The following CACNG5 variants were observed in gnomAD, a reference collection of about 807,000 sequenced individuals.
The protein encoded by CACNG5 is calcium voltage-gated channel auxiliary subunit gamma 5.
CACNG5 carries 18 observed loss-of-function variants against 24.8 expected under a neutral mutation model. The ratio of observed to expected loss-of-function variants is 0.73; its 90% CI spans 0.50 to 1.08. CACNG5 has a LOEUF of 1.08. Ranked by LOEUF, CACNG5 falls within the 50% of genes least tolerant of loss-of-function variation. The probability of loss-of-function intolerance (pLI) is 0.00; values close to 1 mark genes in which losing one functional copy is unlikely to be tolerated. For missense variants in CACNG5, 349 were observed against 367.9 expected, an observed-to-expected ratio of 0.95 and a Z score of 0.42; for synonymous variants, 157 against 149.1, an observed-to-expected ratio of 1.05 and a Z score of -0.39.
At chr17:66,873,117 G>T (rs1054372624) in intron 1 of CACNG5, among the ~76,000 whole-genome samples, 2 of 152,110 alleles carry the variant, frequency 1.3e-5, no homozygotes, top group Admixed American at 6.5e-5. Context: ...ACAAAGTGGG[G>T]CTGATCCCAC....
chr17:66,866,268 G>A (rs1209078794), intron 1 of CACNG5, among the ~76,000 whole-genome samples: 1 of 152,166 alleles, frequency 6.6e-6, no homozygotes, highest in East Asian at 1.9e-4. Flanking sequence ...GGTATGTGCA[G>A]TATGGTCCCT....
chr17:66,847,777 G>A (rs1041996548), intron 1 of CACNG5, among the ~76,000 whole-genome samples: 1 of 152,152 alleles, frequency 6.6e-6, no homozygotes, highest in Admixed American at 6.5e-5. Flanking sequence ...CTCTTCCCAG[G>A]TGGGTGGCCC....
intron 1 of CACNG5, among the ~76,000 whole-genome samples, chr17:66,842,473 A>G (rs185938258): frequency 6.6e-6 from 1 of 152,292 alleles, no homozygotes; most frequent in East Asian, 1.9e-4. Flanking sequence ...CAGTGCTGAG[A>G]TTTGAACCCA....
chr17:66,846,611 C>T (rs1976641281), intron 1 of CACNG5, among the ~76,000 whole-genome samples: 1 of 152,100 alleles, frequency 6.6e-6, no homozygotes, highest in South Asian at 2.1e-4. Flanking sequence ...GTGGATGTAC[C>T]ACAGTGTGTC....
intron 1 of CACNG5, among the ~76,000 whole-genome samples, chr17:66,876,428 C>T (rs1392238648): frequency 6.6e-6 from 1 of 152,236 alleles, no homozygotes; most frequent in Non-Finnish European, 1.5e-5. Context: ...GCTCCAAGTC[C>T]AGTGCCTGAC....
intron 1 of CACNG5, among the ~76,000 whole-genome samples, chr17:66,838,317 G>C (rs907011592): frequency 6.6e-6 from 1 of 151,752 alleles, no homozygotes. Flanking sequence ...GGGGGGAGCA[G>C]AGTTCGGCTG....
In CACNG5 at chr17:66,835,495, C is replaced by T. The variant is rs142995430; in HGVS notation, c.-104+245C>T. On this transcript the variant is annotated intron_variant, in intron 1 of 5. Transcript: ENST00000533854. The stretch of plus-strand genomic sequence containing the variant: ...CCATCTGTCTGTCCCAAGGATGTAT[C>T]GGGGGAGATGATGACGCCCCCTCTT... Among the ~76,000 whole-genome samples the T allele has an allele frequency of 1.2e-3, 179 of 152,286 alleles. 1 individual carries two copies. Among genetic ancestry groups the T allele is most frequent in the East Asian group, 0.011 (59 of 5,170 alleles).
chr17:66,868,203 A>G (rs1472255497), intron 1 of CACNG5, among the ~76,000 whole-genome samples: 1 of 152,142 alleles, frequency 6.6e-6, no homozygotes, highest in Non-Finnish European at 1.5e-5. Flanking sequence ...CTTGGTCCCT[A>G]CGGAAAATGG....
chr17:66,893,659 T>A lies in CACNG5; in HGVS notation c.*8419T>A, dbSNP rs1162646109. Among the ~76,000 whole-genome samples the A allele has an allele frequency of 6.6e-6, 1 of 152,190 alleles. No homozygotes were observed. The highest frequency in any genetic ancestry group is 1.5e-5 in the Non-Finnish European group (1 of 68,032). ...AGACTCTGGCCTCCAGATTCCATTTTCCTGGCTGACTCCCAGGGCACCATG... is the reference window on the plus strand; with the variant it reads ...AGACTCTGGCCTCCAGATTCCATTTACCTGGCTGACTCCCAGGGCACCATG... On this transcript the variant is annotated 3_prime_UTR_variant, in exon 6 of 6. Transcript: ENST00000533854.
intron 1 of CACNG5, among the ~76,000 whole-genome samples, chr17:66,868,286 T>A (rs888615716): frequency 5.3e-5 from 8 of 152,170 alleles, no homozygotes; most frequent in African/African-American, 1.7e-4. Context: ...CCAGGAAGTT[T>A]TGGAATGCAG....
At chr17:66,840,449 A>G (rs1976550528) in intron 1 of CACNG5, among the ~76,000 whole-genome samples, 1 of 152,102 alleles carries the variant, frequency 6.6e-6, no homozygotes, top group Non-Finnish European at 1.5e-5. Context: ...CCAGGAAGCT[A>G]AGCCTGAACC....
chr17:66,858,314 G>T (rs1239736216), intron 1 of CACNG5, among the ~76,000 whole-genome samples: 4 of 152,124 alleles, frequency 2.6e-5, no homozygotes, highest in Non-Finnish European at 5.9e-5. Context: ...TTCTGGACCC[G>T]GGAGTGAAGA....
Position 66,879,012 on chromosome 17 carries a change from G to T in CACNG5, c.237G>T (p.Met79Ile). Reference sequence around the variant, plus strand: ...GTTGCTTCACCATAGAATATGTGATGCCCATGAACACCCAGCTGACATCCG... The same window carrying T: ...GTTGCTTCACCATAGAATATGTGATTCCCATGAACACCCAGCTGACATCCG... ...RGRCFTIEYV[M>I]PMNTQLTSES... Residue 79 changes from methionine (M) to isoleucine (I), a missense_variant, in exon 3 of 6, where the codon ATG becomes ATT. Met to Ile is a conservative substitution (Grantham distance 10). Transcript: ENST00000533854. The T allele has an allele frequency of 6.2e-7, 1 of 1,613,864 alleles. No individual in the cohort carries two copies. The highest frequency in any genetic ancestry group is 8.5e-7 in the Non-Finnish European group (1 of 1,179,876).
intron 1 of CACNG5, among the ~76,000 whole-genome samples, chr17:66,873,806 T>C (rs1264260158): frequency 2.7e-5 from 4 of 149,554 alleles, no homozygotes; most frequent in Non-Finnish European, 5.9e-5. Flanking sequence ...ACATGATGTC[T>C]TTTTTTTTTC....
intron 1 of CACNG5, among the ~76,000 whole-genome samples, chr17:66,854,421 A>G (rs4790901): frequency 0.85 from 124,541 of 146,400 alleles, 53,043 homozygotes; most frequent in East Asian, 0.97. Context: ...GCCAGACTCC[A>G]ACTCAAAAAA....
Position 66,878,977 on chromosome 17 carries a change from G to A in CACNG5, c.202G>A (p.Glu68Lys), listed in dbSNP as rs1977121652. 1.2e-6 allele frequency: 2 copies of A among 1,613,036 alleles called. No homozygotes were observed. Among genetic ancestry groups the A allele is most frequent in the Non-Finnish European group, 1.7e-6 (2 of 1,179,232 alleles). ...TGTGATTCTTGTCTCCACAGGTGAG[G>A]AGCGGGGGCGTTGCTTCACCATAGA... is the stretch of plus-strand genomic sequence containing the variant. Reference protein sequence around the residue: ...LWRVCFLAGEERGRCFTIEYV... With the variant: ...LWRVCFLAGEKRGRCFTIEYV... Residue 68 changes from glutamate to lysine, a missense_variant, in exon 3 of 6, where the codon GAG becomes AAG. Physicochemically the swap from Glu to Lys is moderately conservative, Grantham distance 56. Coordinates refer to ENST00000533854, the MANE Select transcript of CACNG5 (RefSeq NM_145811.3).
chr17:66,840,340 A>G (rs1976549439), intron 1 of CACNG5, among the ~76,000 whole-genome samples: 1 of 152,218 alleles, frequency 6.6e-6, no homozygotes, highest in South Asian at 2.1e-4. Flanking sequence ...TCCCTCTCCC[A>G]GAGCTGAGGA....
intron 1 of CACNG5, among the ~76,000 whole-genome samples, chr17:66,872,624 T>G (rs988902897): frequency 6.6e-5 from 10 of 152,248 alleles, no homozygotes; most frequent in African/African-American, 2.4e-4. Flanking sequence ...AAACTATTGC[T>G]GGTGCACACT....
intron 3 of CACNG5, among the ~76,000 whole-genome samples, chr17:66,879,521 A>G (rs1030513064): frequency 6.6e-6 from 1 of 152,184 alleles, no homozygotes; most frequent in Non-Finnish European, 1.5e-5. Context: ...AGCTCCAAAT[A>G]TGGGAGCTCC....
Sources: gnomAD v4.1 joint callset for allele counts (sites outside exome capture counted in the v4.1 genomes callset) on GRCh38, gnomAD v4.1.1 for gene constraint, MANE v1.5 for transcripts, NCBI Gene and HGNC (gene_info 2026-07-23, HGNC 2026-07-21) for gene names.